TPO: variants seen among roughly 807,000 people sequenced by gnomAD.
TPO encodes the protein thyroid peroxidase.
In TPO, 78 loss-of-function variants were observed where a neutral mutation model predicts 96.9. The ratio of observed to expected loss-of-function variants is 0.81; its 90% CI spans 0.67 to 0.97. The LOEUF (loss-of-function observed/expected upper bound fraction) is 0.97, where lower values mean the gene tolerates loss of function less well. Among genes scored for constraint, TPO ranks in the 50% least tolerant of loss-of-function variants. The pLI, the probability that TPO is intolerant of heterozygous loss-of-function variation, is 0.00. For synonymous variants in TPO, 547 were observed against 538.0 expected, an observed-to-expected ratio of 1.02 and a Z score of -0.23; for missense variants, 1,252 against 1,274.8, an observed-to-expected ratio of 0.98 and a Z score of 0.27.
At chr2:1,475,792 C>G (rs1361712566) in intron 7 of TPO, among the ~76,000 whole-genome samples, 10 of 152,340 alleles carry the variant, frequency 6.6e-5, no homozygotes, top group Non-Finnish European at 1.2e-4. Context: ...TAACGTGGAC[C>G]CTGTGCTGGC....
chr2:1,533,443 TCG>T (rs2125270323), intron 15 of TPO, among the ~76,000 whole-genome samples: 2 of 50,864 alleles, frequency 3.9e-5, no homozygotes, highest in Admixed American at 3.1e-4. Context: ...CCTCCCGAAA[TCG>T]CCCCCACTGT....
intron 5 of TPO, among the ~76,000 whole-genome samples, chr2:1,451,072 C>T (rs1450764047): frequency 6.6e-6 from 1 of 152,218 alleles, no homozygotes; most frequent in East Asian, 1.9e-4. Flanking sequence ...CCTGCCGCTG[C>T]TGACCACTCA....
At chr2:1,386,758 T>G (rs1325529104) in intron 1 of TPO, among the ~76,000 whole-genome samples, 2 of 152,194 alleles carry the variant, frequency 1.3e-5, no homozygotes, top group Non-Finnish European at 2.9e-5. Context: ...GTCATTATGA[T>G]GTTAGCTGGT....
chr2:1,461,613 T>G (rs1355944897), intron 7 of TPO, among the ~76,000 whole-genome samples: 1 of 152,136 alleles, frequency 6.6e-6, no homozygotes, highest in East Asian at 1.9e-4. Context: ...CCCACAGGCA[T>G]GCACACACTC....
upstream of TPO, among the ~76,000 whole-genome samples, chr2:1,408,833 C>T (rs554699059): frequency 6.6e-6 from 1 of 152,266 alleles, no homozygotes; most frequent in Non-Finnish European, 1.5e-5. Flanking sequence ...TTGTTTTGTC[C>T]ACTTTTCCTT....
chr2:1,459,324 G>A (rs1351248257), intron 7 of TPO, among the ~76,000 whole-genome samples: 1 of 152,064 alleles, frequency 6.6e-6, no homozygotes, highest in South Asian at 2.1e-4. Context: ...GCTAATTTTT[G>A]TATTTTTAGT....
rs28909991 is a variant in TPO, at chr2:1,414,676, G to T, written c.94+174G>T. On this transcript the variant is annotated intron_variant, in intron 2 of 16. Coordinates refer to ENST00000329066, the MANE Select transcript of TPO (RefSeq NM_001206744.2). ...CTTGATTTTAGAAGGATTGAAATAT[G>T]TACATTTCTTTCTTTAAAAAAGAGC... Among the ~76,000 whole-genome samples, 1,160 of 152,104 alleles carry T rather than the reference G, an allele frequency of 7.6e-3. 14 individuals are homozygous for T. Among genetic ancestry groups the T allele is most frequent in the African/African-American group, 0.026 (1,063 of 41,478 alleles).
At chr2:1,387,470 A>G (rs142783059) in intron 1 of TPO, among the ~76,000 whole-genome samples, 1,812 of 152,228 alleles carry the variant, frequency 0.012, 41 homozygotes, top group African/African-American at 0.041. Flanking sequence ...TTGATCTTCA[A>G]TCACTGATAC....
At chr2:1,521,728 A>G (rs1675289672) in intron 15 of TPO, among the ~76,000 whole-genome samples, 2 of 152,148 alleles carry the variant, frequency 1.3e-5, no homozygotes, top group South Asian at 2.1e-4. Flanking sequence ...GGAATCCTTC[A>G]GAGTCAGTAC....
intron 15 of TPO, among the ~76,000 whole-genome samples, chr2:1,517,876 T>C (rs1674866367): frequency 6.6e-6 from 1 of 152,220 alleles, no homozygotes. Flanking sequence ...CCCAGGGCCA[T>C]GCCCAGGATA....
chr2:1,419,083 C>T (rs1431594195), intron 2 of TPO, among the ~76,000 whole-genome samples: 2 of 152,078 alleles, frequency 1.3e-5, no homozygotes, highest in Admixed American at 6.6e-5. Flanking sequence ...CTAATGTGTC[C>T]CTGAATTCCA....
intron 1 of TPO, among the ~76,000 whole-genome samples, chr2:1,397,969 G>C (rs984985079): frequency 6.6e-6 from 1 of 152,124 alleles, no homozygotes; most frequent in African/African-American, 2.4e-5. Context: ...GCAGAAAAAA[G>C]TACTTCCCAT....
intron 3 of TPO, among the ~76,000 whole-genome samples, chr2:1,425,343 C>A (rs546279110): frequency 1.4e-5 from 2 of 144,152 alleles, no homozygotes; most frequent in Non-Finnish European, 3.1e-5. Flanking sequence ...GAAGTCCATG[C>A]CCGTTCTGTG....
upstream of TPO, among the ~76,000 whole-genome samples, chr2:1,411,838 C>A (rs375613950): frequency 4.6e-5 from 7 of 152,136 alleles, no homozygotes; most frequent in African/African-American, 1.7e-4. Context: ...ACACTAAGGC[C>A]AGTGGATAAT....
intron 15 of TPO, among the ~76,000 whole-genome samples, chr2:1,533,456 G>A (rs1678829059): frequency 2.0e-5 from 1 of 49,772 alleles, no homozygotes; most frequent in Non-Finnish European, 3.6e-5. Flanking sequence ...CCCCCACTGT[G>A]TGCAACCTCC....
At chr2:1,396,338 C>T (rs1662080089) in intron 1 of TPO, among the ~76,000 whole-genome samples, 1 of 152,254 alleles carries the variant, frequency 6.6e-6, no homozygotes, top group African/African-American at 2.4e-5. Context: ...CGTTTACCCA[C>T]TGGGGCCAGG....
intron 3 of TPO, among the ~76,000 whole-genome samples, chr2:1,425,247 T>C (rs28489465): frequency 0.22 from 34,024 of 151,646 alleles, 4,020 homozygotes; most frequent in Admixed American, 0.34. Flanking sequence ...GATCATTTCA[T>C]ATTCTCAGAA....
At chr2:1,477,640 C>A in intron 8 of TPO, 36 bp downstream of exon 8, 5 of 1,449,660 alleles carry the variant, frequency 3.4e-6, no homozygotes, top group East Asian at 2.7e-5. Flanking sequence ...TGGGTGGCTG[C>A]GGGCAAAGCG....
intron 1 of TPO, among the ~76,000 whole-genome samples, chr2:1,399,289 A>G (rs1415185024): frequency 1.3e-5 from 2 of 152,220 alleles, no homozygotes; most frequent in Admixed American, 6.5e-5. Flanking sequence ...GAGCTTCTCC[A>G]GCAGCATCAG....
Sources: gnomAD v4.1 joint callset for allele counts (sites outside exome capture counted in the v4.1 genomes callset) on GRCh38, gnomAD v4.1.1 for gene constraint, MANE v1.5 for transcripts, NCBI Gene and HGNC (gene_info 2026-07-23, HGNC 2026-07-21) for gene names.